The following YAF2 variants were observed in gnomAD, a reference collection of about 807,000 sequenced individuals.
YAF2 encodes the protein YY1 associated factor 2.
In YAF2, 7 loss-of-function variants were observed where a neutral mutation model predicts 20.1. The ratio of observed to expected loss-of-function variants is 0.35; its 90% CI spans 0.20 to 0.65. The LOEUF (loss-of-function observed/expected upper bound fraction) is 0.65, where lower values mean the gene tolerates loss of function less well. Ranked by LOEUF, YAF2 falls within the 30% of genes least tolerant of loss-of-function variation. The pLI is 0.69. For missense variants in YAF2, 151 were observed against 219.2 expected (o/e 0.69, Z 1.96); for synonymous variants, 74 against 76.0 (o/e 0.97, Z 0.14).
intron 2 of YAF2, among the ~76,000 whole-genome samples, chr12:42,213,242 G>A (rs1156747356): frequency 6.6e-6 from 1 of 152,228 alleles, no homozygotes; most frequent in African/African-American, 2.4e-5. Context: ...GATGCCTGAG[G>A]CCTGACAATA....
At chr12:42,200,301 G>C (rs1397714770) in intron 2 of YAF2, among the ~76,000 whole-genome samples, 1 of 152,160 alleles carries the variant, frequency 6.6e-6, no homozygotes, top group Non-Finnish European at 1.5e-5. Context: ...GAAGAAAACA[G>C]ATTTGCATGT....
At chr12:42,167,029 G>A (rs986007650) in intron 2 of YAF2, among the ~76,000 whole-genome samples, 1 of 151,618 alleles carries the variant, frequency 6.6e-6, no homozygotes, top group African/African-American at 2.4e-5. Flanking sequence ...AGATAAAATA[G>A]TTCCTAGGAA....
chr12:42,194,483 A>C (rs908706730), intron 2 of YAF2, among the ~76,000 whole-genome samples: 1 of 152,202 alleles, frequency 6.6e-6, no homozygotes, highest in African/African-American at 2.4e-5. Flanking sequence ...GTCTCTACTA[A>C]AAAAACAAAA....
intron 2 of YAF2, among the ~76,000 whole-genome samples, chr12:42,212,200 C>A (rs1290762147): frequency 6.6e-6 from 1 of 151,770 alleles, no homozygotes; most frequent in Non-Finnish European, 1.5e-5. Context: ...TAAAAATGGC[C>A]GTCACTGAAA....
intron 2 of YAF2, among the ~76,000 whole-genome samples, chr12:42,179,084 G>C (rs936479940): frequency 6.6e-6 from 1 of 152,116 alleles, no homozygotes; most frequent in Admixed American, 6.6e-5. Flanking sequence ...ACACTTGTCT[G>C]GGCTCCACCT....
intron 2 of YAF2, among the ~76,000 whole-genome samples, chr12:42,216,265 A>T (rs911003398): frequency 6.6e-6 from 1 of 152,218 alleles, no homozygotes; most frequent in Non-Finnish European, 1.5e-5. Flanking sequence ...GACAATCACT[A>T]CGCAAAAGTA....
chr12:42,238,007 C>T (rs951687968), intron 1 of YAF2, 148 bp downstream of exon 1: 25 of 591,300 alleles, frequency 4.2e-5, no homozygotes, highest in Non-Finnish European at 9.4e-6. Context: ...CCGGCGCCGG[C>T]CCCCTCAAGC....
intron 2 of YAF2, among the ~76,000 whole-genome samples, chr12:42,203,589 T>A (rs927154149): frequency 6.6e-6 from 1 of 152,218 alleles, no homozygotes; most frequent in Non-Finnish European, 1.5e-5. Flanking sequence ...AGTGGTTTTT[T>A]AAAACTTTAA....
chr12:42,201,924 T>C (rs2066908779), intron 2 of YAF2, among the ~76,000 whole-genome samples: 1 of 152,212 alleles, frequency 6.6e-6, no homozygotes. Context: ...CAAAATCATT[T>C]ACCCTTGATG....
At chr12:42,178,115 C>A (rs908548603) in intron 2 of YAF2, among the ~76,000 whole-genome samples, 2 of 152,120 alleles carry the variant, frequency 1.3e-5, no homozygotes, top group Non-Finnish European at 2.9e-5. Context: ...AAAATATGTA[C>A]ATCTATTTTG....
At chr12:42,171,841 G>A (rs527484565) in intron 2 of YAF2, among the ~76,000 whole-genome samples, 12 of 151,898 alleles carry the variant, frequency 7.9e-5, no homozygotes, top group African/African-American at 2.7e-4. Flanking sequence ...GTGCGTGCCT[G>A]TAGTCCCAGC....
chr12:42,161,936 T>A (rs1002775430), intron 2 of YAF2, among the ~76,000 whole-genome samples, 171 bp from the exon 3 acceptor site: 1 of 152,160 alleles, frequency 6.6e-6, no homozygotes, highest in Non-Finnish European at 1.5e-5. Context: ...ATGTATCAGT[T>A]TTTCCCGTTC....
chr12:42,209,999 T>C (rs2067160864), intron 2 of YAF2, among the ~76,000 whole-genome samples: 1 of 152,206 alleles, frequency 6.6e-6, no homozygotes, highest in African/African-American at 2.4e-5. Flanking sequence ...GGTTTCTCCA[T>C]GTTGGTCAGG....
At chr12:42,188,311 G>A (rs1380013263) in intron 2 of YAF2, among the ~76,000 whole-genome samples, 2 of 150,168 alleles carry the variant, frequency 1.3e-5, no homozygotes, top group African/African-American at 4.9e-5. Context: ...TTATTTCTTG[G>A]TTTCTAAGAT....
At chr12:42,209,257 G>GT (rs933776571) in intron 2 of YAF2, among the ~76,000 whole-genome samples, 5 of 137,680 alleles carry the variant, frequency 3.6e-5, no homozygotes, top group African/African-American at 1.3e-4. Flanking sequence ...GAAGTGCTAG[G>GT]AAAAAAAAAA....
At chr12:42,204,374 G>T (rs712129) in intron 2 of YAF2, among the ~76,000 whole-genome samples, 106,040 of 152,104 alleles carry the variant, frequency 0.7, 38,040 homozygotes, top group African/African-American at 0.86. Flanking sequence ...TTGAAAATAT[G>T]TGGGGGGAAA....
At chr12:42,231,646 C>G (rs970446125) in intron 2 of YAF2, 2 of 152,148 alleles carry the variant, frequency 1.3e-5, no homozygotes, top group South Asian at 4.1e-4. Context: ...ACATCGGTAA[C>G]TAGGAACCAT....
chr12:42,175,561 T>G (rs2066161629), intron 2 of YAF2, among the ~76,000 whole-genome samples: 2 of 151,230 alleles, frequency 1.3e-5, no homozygotes, highest in South Asian at 4.2e-4. Flanking sequence ...TCTAAAATTT[T>G]TTTAACCTAA....
In YAF2 at chr12:42,159,489, G is replaced by A. The variant is rs1360599441; in HGVS notation, c.*1100C>T. ...TGGTAATTTTACATAGTATAAGTGG[G>A]GCTATACTTTTTTCCTTTCAGGATA... On this transcript the variant is annotated 3_prime_UTR_variant, in exon 4 of 4. Coordinates refer to ENST00000534854, the MANE Select transcript of YAF2 (RefSeq NM_005748.6). The A allele has an allele frequency of 2.6e-5, 4 of 151,962 alleles. No homozygotes were observed. Among genetic ancestry groups the A allele is most frequent in the Non-Finnish European group, 5.9e-5 (4 of 67,930 alleles). 9.4% of individuals were successfully genotyped at this position (151,962 alleles called of 1,614,324 possible). A position where few individuals can be genotyped will look rare whatever the true frequency, so the allele number is the denominator to read the frequency against.
Sources: allele counts gnomAD v4.1 joint callset (sites outside exome capture counted in the v4.1 genomes callset), GRCh38; gene constraint gnomAD v4.1.1; transcripts MANE v1.5; gene names NCBI Gene and HGNC (gene_info 2026-07-23, HGNC 2026-07-21).